TTC27: variants seen among roughly 807,000 people sequenced by gnomAD.
TTC27 encodes tetratricopeptide repeat domain 27, also known as tetratricopeptide repeat protein 27.
A neutral mutation model predicts 115.9 loss-of-function variants in TTC27; 79 were observed. The ratio of observed to expected loss-of-function variants is 0.68; its 90% CI spans 0.57 to 0.82. TTC27 has a LOEUF of 0.82. Among genes scored for constraint, TTC27 ranks in the 40% least tolerant of loss-of-function variants. The pLI, the probability that TTC27 is intolerant of heterozygous loss-of-function variation, is 0.00. For missense variants in TTC27, 1,054 were observed against 993.1 expected (o/e 1.06, Z -0.82); for synonymous variants, 401 against 356.0 (o/e 1.13, Z -1.42).
intron 14 of TTC27, among the ~76,000 whole-genome samples, chr2:32,778,702 C>T (rs1054969940): frequency 6.6e-6 from 1 of 152,082 alleles, no homozygotes; most frequent in Admixed American, 6.5e-5. Context: ...AATAATATTC[C>T]ATTGTGTGGG....
chr2:32,781,393 T>C (rs911238955), intron 14 of TTC27, among the ~76,000 whole-genome samples: 1 of 152,186 alleles, frequency 6.6e-6, no homozygotes, highest in South Asian at 2.1e-4. Flanking sequence ...CCTTTGGTTA[T>C]GAAGGAAATT....
intron 18 of TTC27, among the ~76,000 whole-genome samples, chr2:32,815,299 C>T (rs962492596): frequency 4.0e-5 from 5 of 124,612 alleles, no homozygotes; most frequent in South Asian, 2.7e-4. Flanking sequence ...TGCAGTGGCG[C>T]GATCTCGGCT....
Position 32,650,161 on chromosome 2 carries a change from A to T in TTC27, c.568A>T (p.Asn190Tyr). 1 of 1,613,860 alleles carries T rather than the reference A, an allele frequency of 6.2e-7. No homozygotes were observed. The highest frequency in any genetic ancestry group is 8.5e-7 in the Non-Finnish European group (1 of 1,179,860). The change falls in exon 5 of 20, where the codon AAT (asparagine) becomes TAT (tyrosine). Residue 190 changes from asparagine (N) to tyrosine (Y), a missense_variant. Coordinates refer to ENST00000317907, the MANE Select transcript of TTC27 (RefSeq NM_017735.5). ...GCCATGGTGGACTTTGAGATGTGTGAATATTCATCAGCATTTGCTTGAGGA... is the reference window on the plus strand; with the variant it reads ...GCCATGGTGGACTTTGAGATGTGTGTATATTCATCAGCATTTGCTTGAGGA... ...SLPWWTLRCV[N>Y]IHQHLLEERS...
chr2:32,672,473 AG>A (rs1666047923), intron 8 of TTC27, 89 bp downstream of exon 8: 1 of 986,978 alleles, frequency 1.0e-6, no homozygotes, highest in African/African-American at 1.6e-5. Flanking sequence ...AGGTTCCAAG[AG>A]TTCTGGATGA....
intron 4 of TTC27, among the ~76,000 whole-genome samples, chr2:32,640,841 G>T (rs367856495): frequency 3.3e-5 from 5 of 152,046 alleles, no homozygotes; most frequent in Non-Finnish European, 7.4e-5. Context: ...AATTAGCTGG[G>T]CGCAGTGGCG....
chr2:32,728,678 C>A (rs981118354), intron 10 of TTC27, among the ~76,000 whole-genome samples: 4 of 152,264 alleles, frequency 2.6e-5, no homozygotes, highest in African/African-American at 9.6e-5. Flanking sequence ...GACAGGCTCA[C>A]CTATTTCATC....
rs551277350 is a variant in TTC27, at chr2:32,635,679, A to G, written c.396+1674A>G. On this transcript the variant is annotated intron_variant, in intron 3 of 19. Transcript: ENST00000317907. ...AGCCTGGGTGACAGAGTGAGACTCCATTTCAAAAAAAGAAAAAAGAAAAAG... is the reference window on the plus strand; with the variant it reads ...AGCCTGGGTGACAGAGTGAGACTCCGTTTCAAAAAAAGAAAAAAGAAAAAG... Among the ~76,000 whole-genome samples, 67 of 152,138 alleles carry G rather than the reference A, an allele frequency of 4.4e-4. 1 individual carries two copies. The highest frequency in any genetic ancestry group is 2.9e-3 in the East Asian group (15 of 5,168).
At chr2:32,632,573 T>C (rs142750219) in intron 2 of TTC27, among the ~76,000 whole-genome samples, 2 of 152,354 alleles carry the variant, frequency 1.3e-5, no homozygotes, top group Non-Finnish European at 2.9e-5. Context: ...AAACTTCTGA[T>C]TGCATACCAG....
At chr2:32,717,181 C>G (rs991839913) in intron 10 of TTC27, among the ~76,000 whole-genome samples, 2 of 151,638 alleles carry the variant, frequency 1.3e-5, no homozygotes, top group African/African-American at 4.8e-5. Context: ...ACTACATTGC[C>G]CAGTCTGATC....
intron 10 of TTC27, among the ~76,000 whole-genome samples, chr2:32,730,868 C>T (rs1668270375): frequency 6.6e-6 from 1 of 151,902 alleles, no homozygotes; most frequent in African/African-American, 2.4e-5. Flanking sequence ...GTGATCCTCC[C>T]ACCTCGGCCT....
At position 32,741,667 on chromosome 2, in the gene TTC27, A is replaced by AAACAACAAC. The variant is rs148675968; in HGVS notation, c.1452+4860_1452+4868dup. Reference sequence around the variant, plus strand: ...AATCCAATAAAAAAAACAAAAAACAAAACAACAACAACAACAAAAAAACAG... The same window carrying AAACAACAAC: ...AATCCAATAAAAAAAACAAAAAACAAAACAACAACAACAACAACAACAACAAAAAAACAG... On this transcript the variant is annotated intron_variant, in intron 12 of 19. Coordinates refer to ENST00000317907, the MANE Select transcript of TTC27 (RefSeq NM_017735.5). Among the ~76,000 whole-genome samples, 695 of 146,204 alleles carry AAACAACAAC rather than the reference A, an allele frequency of 4.8e-3. 6 individuals are homozygous for AAACAACAAC. The highest frequency in any genetic ancestry group is 0.018 in the African/African-American group (659 of 37,546).
intron 7 of TTC27, 50 bp from the exon 8 acceptor site, chr2:32,672,222 T>C: frequency 7.3e-7 from 1 of 1,362,376 alleles, no homozygotes; most frequent in South Asian, 1.2e-5. Flanking sequence ...TTCTGGTGAA[T>C]GAATAAAATT....
At chr2:32,684,877 C>T (rs1197434612) in intron 9 of TTC27, among the ~76,000 whole-genome samples, 3 of 149,024 alleles carry the variant, frequency 2.0e-5, no homozygotes, top group Non-Finnish European at 1.5e-5. Flanking sequence ...ATGTCATAGT[C>T]AGCCTGGTGA....
chr2:32,817,735 A>C (rs1198553710), intron 19 of TTC27, among the ~76,000 whole-genome samples, 178 bp downstream of exon 19: 1 of 152,202 alleles, frequency 6.6e-6, no homozygotes, highest in Non-Finnish European at 1.5e-5. Context: ...TAATGGATAG[A>C]CCACTCTAAA....
intron 18 of TTC27, among the ~76,000 whole-genome samples, chr2:32,815,735 T>C (rs192974426): frequency 1.3e-5 from 2 of 152,330 alleles, no homozygotes; most frequent in Admixed American, 1.3e-4. Context: ...CAAATACCGC[T>C]GCCATGGTGG....
chr2:32,650,498 C>T (rs186861335), intron 5 of TTC27, among the ~76,000 whole-genome samples: 1 of 151,514 alleles, frequency 6.6e-6, no homozygotes, highest in East Asian at 1.9e-4. Context: ...CTATGTAGGT[C>T]ACCATGATTT....
intron 16 of TTC27, among the ~76,000 whole-genome samples, chr2:32,800,655 GC>G (rs1276689300): frequency 6.6e-6 from 1 of 151,700 alleles, no homozygotes; most frequent in Non-Finnish European, 1.5e-5. Context: ...GCGCCACTAT[GC>G]CCAGCTAATT....
intron 13 of TTC27, among the ~76,000 whole-genome samples, chr2:32,763,181 G>A (rs189343935): frequency 6.8e-4 from 104 of 152,274 alleles, no homozygotes; most frequent in Admixed American, 3.1e-3. Flanking sequence ...TCAGGCGGGC[G>A]GTAAACCATG....
chr2:32,629,841 G>A (rs912934054), intron 1 of TTC27, among the ~76,000 whole-genome samples: 1 of 152,164 alleles, frequency 6.6e-6, no homozygotes, highest in Non-Finnish European at 1.5e-5. Flanking sequence ...ATTTAGGCTG[G>A]ACCCAAAAGA....
Sources: gnomAD v4.1 joint callset for allele counts (sites outside exome capture counted in the v4.1 genomes callset) on GRCh38, gnomAD v4.1.1 for gene constraint, MANE v1.5 for transcripts, NCBI Gene and HGNC (gene_info 2026-07-23, HGNC 2026-07-21) for gene names.